ELMO1: variants seen among roughly 807,000 people sequenced by gnomAD.
The protein encoded by ELMO1 is engulfment and cell motility 1, also known as engulfment and cell motility protein 1.
A neutral mutation model predicts 98.9 loss-of-function variants in ELMO1; 26 were observed. The observed-to-expected ratio is 0.26, with a 90% CI of 0.19 to 0.36. The LOEUF (loss-of-function observed/expected upper bound fraction) is 0.36. Ranked by LOEUF, ELMO1 falls within the 10% of genes least tolerant of loss-of-function variation. The pLI is 1.00. For synonymous variants in ELMO1, 346 were observed against 346.0 expected (o/e 1.00, Z 0.00); for missense variants, 627 against 935.2 (o/e 0.67, Z 4.30).
chr7:37,248,393 A>G (rs932733415), intron 6 of ELMO1, among the ~76,000 whole-genome samples: 43 of 151,802 alleles, frequency 2.8e-4, no homozygotes, highest in Non-Finnish European at 5.6e-4. Flanking sequence ...TCTCATTTCC[A>G]TTACCAGAGT....
intron 13 of ELMO1, among the ~76,000 whole-genome samples, chr7:37,159,199 G>A (rs527797413): frequency 1.3e-5 from 2 of 152,282 alleles, no homozygotes; most frequent in East Asian, 3.9e-4. Flanking sequence ...AATACCTAAT[G>A]TAAATGACAA....
chr7:37,346,592 A>G (rs913017607), intron 1 of ELMO1, among the ~76,000 whole-genome samples: 3 of 152,246 alleles, frequency 2.0e-5, no homozygotes, highest in African/African-American at 7.2e-5. Context: ...TCTGTGCTAC[A>G]TTACTTCAGT....
At position 37,082,139 on chromosome 7, in the gene ELMO1, C is replaced by T. The variant is rs192308396; in HGVS notation, c.1300+14480G>A. 3.9e-5 allele frequency among the ~76,000 whole-genome samples: 6 copies of T among 152,218 alleles called. No homozygotes were observed. In the East Asian group the frequency reaches 5.8e-4, roughly 15 times the overall value. ...CCATGTGTCAGGTTTATTTAGATAC[C>T]GCTGTTTCCACGTAAAGATGGGCCA... On this transcript the variant is annotated intron_variant, in intron 15 of 21. Coordinates refer to ENST00000310758, the MANE Select transcript of ELMO1 (RefSeq NM_014800.11).
In ELMO1 at chr7:37,218,775, G is replaced by A. The variant is rs538846610; in HGVS notation, c.781-2080C>T. On this transcript the variant is annotated intron_variant, in intron 10 of 21. Transcript: ENST00000310758. ...TTTGCACAGAACAAACAGGGAAGTA[G>A]CACCATGAAAGTCACAAGAGTTGTA... Among the ~76,000 whole-genome samples, 266 of 152,294 alleles carry A rather than the reference G, an allele frequency of 1.7e-3. 1 individual carries two copies. Among genetic ancestry groups the A allele is most frequent in the African/African-American group, 6.3e-3 (260 of 41,562 alleles).
At chr7:37,442,929 G>C (rs572150121) in intron 1 of ELMO1, among the ~76,000 whole-genome samples, 9 of 152,224 alleles carry the variant, frequency 5.9e-5, no homozygotes, top group Non-Finnish European at 1.2e-4. Flanking sequence ...GCAGTAAAAC[G>C]AGTCAGAAAA....
At chr7:37,407,673 G>C (rs558308404) in intron 1 of ELMO1, among the ~76,000 whole-genome samples, 28 of 152,314 alleles carry the variant, frequency 1.8e-4, no homozygotes, top group African/African-American at 6.7e-4. Context: ...TGCAGTGAGA[G>C]AGGGATGCAT....
In ELMO1 at chr7:36,854,125, C is replaced by T. The variant is rs907676810; in HGVS notation, c.*1426G>A. ...AGTGGGTCTGATTTTCTCAGTGAGT[C>T]GAGATGGTCTTCTTAGAAGTAACAT... On this transcript the variant is annotated 3_prime_UTR_variant, in exon 22 of 22. Transcript: ENST00000310758. Among the ~76,000 whole-genome samples, 7 of 152,046 alleles carry T rather than the reference C, an allele frequency of 4.6e-5. No homozygotes were observed. Among genetic ancestry groups the T allele is most frequent in the Non-Finnish European group, 8.8e-5 (6 of 68,022 alleles).
At chr7:37,224,760 T>C in intron 9 of ELMO1, 119 bp downstream of exon 9, 2 of 1,421,692 alleles carry the variant, frequency 1.4e-6, no homozygotes, top group Non-Finnish European at 9.5e-7. Flanking sequence ...ATATGCCAAA[T>C]TGAGATTCTT....
At chr7:36,961,029 C>A (rs1007794990) in intron 16 of ELMO1, among the ~76,000 whole-genome samples, 1 of 152,158 alleles carries the variant, frequency 6.6e-6, no homozygotes, top group South Asian at 2.1e-4. Context: ...AACCATCCCA[C>A]GTGTGTCTGT....
chr7:37,076,838 C>A (rs531868819), intron 15 of ELMO1, among the ~76,000 whole-genome samples: 14 of 152,340 alleles, frequency 9.2e-5, no homozygotes, highest in Non-Finnish European at 1.5e-4. Flanking sequence ...CCCAATGCTG[C>A]CTCCATCAGG....
At chr7:36,929,907 G>A (rs1009949897) in intron 16 of ELMO1, among the ~76,000 whole-genome samples, 4 of 152,116 alleles carry the variant, frequency 2.6e-5, no homozygotes, top group Non-Finnish European at 1.5e-5. Flanking sequence ...ATATCCCTTC[G>A]GGAGCAATTG....
intron 13 of ELMO1, among the ~76,000 whole-genome samples, chr7:37,170,138 C>G (rs1296720247): frequency 6.6e-6 from 1 of 152,234 alleles, no homozygotes; most frequent in Non-Finnish European, 1.5e-5. Flanking sequence ...CTCCTGACCT[C>G]AGGTGATCCA....
chr7:36,874,680 C>G (rs1803797049), intron 19 of ELMO1, among the ~76,000 whole-genome samples: 1 of 152,198 alleles, frequency 6.6e-6, no homozygotes, highest in African/African-American at 2.4e-5. Flanking sequence ...TTCCTCCCTG[C>G]CCCCTCTGAT....
At chr7:36,974,718 T>C (rs1016883455) in intron 16 of ELMO1, among the ~76,000 whole-genome samples, 16 of 152,124 alleles carry the variant, frequency 1.1e-4, no homozygotes, top group African/African-American at 3.9e-4. Flanking sequence ...CCTTCCACAC[T>C]GGGGAAGCTT....
chr7:37,213,447 C>A lies in ELMO1; in HGVS notation c.842G>T (p.Arg281Leu). Residue 281 changes from arginine (R) to leucine (L), a missense_variant, in exon 12 of 22, where the codon CGA becomes CTA. Around this residue, in one of 3 missense-constraint regions of ELMO1, gnomAD observed 492 missense variants for 715.6 expected, o/e 0.69. Transcript: ENST00000310758. ...LRSIILTHVI[R>L]AQRAINNEMA... ...CTCATTGTTGATGGCCCGCTGGGCTCGGATGACATGCTAGGGAGATGGTTC... is the reference window on the plus strand; with the variant it reads ...CTCATTGTTGATGGCCCGCTGGGCTAGGATGACATGCTAGGGAGATGGTTC... The A allele has an allele frequency of 6.2e-7, 1 of 1,611,316 alleles. No homozygotes were observed. Among genetic ancestry groups the A allele is most frequent in the Non-Finnish European group, 8.5e-7 (1 of 1,179,340 alleles).
At chr7:37,308,127 T>A (rs948219766) in intron 4 of ELMO1, among the ~76,000 whole-genome samples, 5 of 152,094 alleles carry the variant, frequency 3.3e-5, no homozygotes, top group East Asian at 1.9e-4. Context: ...AAATAAATAA[T>A]TAATTAATTA....
In ELMO1 at chr7:37,046,235, T is replaced by C. The variant is rs543833751; in HGVS notation, c.1301-32800A>G. On this transcript the variant is annotated intron_variant, in intron 15 of 21. Transcript: ENST00000310758. ...ATGTATAACTATCCAGTAATTATTA[T>C]GCACAATTTCAATAGACTAACTCAG... 8.5e-5 allele frequency among the ~76,000 whole-genome samples: 13 copies of C among 152,366 alleles called. No individual in the cohort carries two copies. In the East Asian group the frequency reaches 2.3e-3, roughly 27 times the overall value.
At chr7:37,178,434 CAAAAAAA>C (rs10572924) in intron 13 of ELMO1, among the ~76,000 whole-genome samples, 1 of 140,256 alleles carries the variant, frequency 7.1e-6, no homozygotes, top group African/African-American at 2.7e-5. Context: ...CCCATCTCTT[CAAAAAAA>C]AAAAAAAAGA....
intron 1 of ELMO1, among the ~76,000 whole-genome samples, chr7:37,373,664 T>C (rs1185604720): frequency 6.6e-6 from 1 of 152,212 alleles, no homozygotes; most frequent in Non-Finnish European, 1.5e-5. Flanking sequence ...AATTTTTTAA[T>C]TTTAGCAGTG....
Sources: allele counts gnomAD v4.1 joint callset (sites outside exome capture counted in the v4.1 genomes callset), GRCh38; gene constraint gnomAD v4.1.1; regional missense constraint gnomAD v4.1.1; transcripts MANE v1.5; gene names NCBI Gene and HGNC (gene_info 2026-07-23, HGNC 2026-07-21).